RIC1: variants seen among roughly 807,000 people sequenced by gnomAD.
The protein encoded by RIC1 is RIC1 partner of RAB6A GEF complex.
RIC1 carries 88 observed loss-of-function variants against 169.0 expected under a neutral mutation model. The ratio of observed to expected loss-of-function variants is 0.52; its 90% CI spans 0.44 to 0.62. The LOEUF (loss-of-function observed/expected upper bound fraction) is 0.62, where lower values mean the gene tolerates loss of function less well. RIC1 is among the 20% of genes least tolerant of loss of function. The pLI is 0.00. For missense variants in RIC1, 1,877 were observed against 1,725.5 expected (o/e 1.09, Z -1.56); for synonymous variants, 790 against 601.5 (o/e 1.31, Z -4.59).
intron 15 of RIC1, 30 bp downstream of exon 15, chr9:5,754,960 T>G (rs1825919420): frequency 7.3e-7 from 1 of 1,365,880 alleles, no homozygotes; most frequent in Non-Finnish European, 1.0e-6. Flanking sequence ...AATAACAGAT[T>G]TTTATATTTT....
chr9:5,700,355 A>G (rs1187284869), intron 3 of RIC1, among the ~76,000 whole-genome samples: 2 of 152,006 alleles, frequency 1.3e-5, no homozygotes, highest in Non-Finnish European at 2.9e-5. Context: ...CTTTTTGTTC[A>G]TTTGTGATTT....
At chr9:5,665,108 G>A (rs558601417) in intron 2 of RIC1, among the ~76,000 whole-genome samples, 19 of 151,866 alleles carry the variant, frequency 1.3e-4, no homozygotes, top group African/African-American at 2.9e-4. Flanking sequence ...CATTGGGAGC[G>A]TATATATTGA....
Position 5,669,732 on chromosome 9 carries a change from T to C in RIC1, c.252+13042T>C, listed in dbSNP as rs138724474. Among the ~76,000 whole-genome samples, 19 of 152,288 alleles carry C rather than the reference T, an allele frequency of 1.2e-4. No homozygotes were observed. The East Asian group carries it at 3.5e-3, about 28-fold the overall frequency. ...TTGCAGTGGCAAAGAGAGATTGGGC[T>C]CACTTCTTCAGCATGGGCAAGTGGG... On this transcript the variant is annotated intron_variant, in intron 2 of 25. Transcript: ENST00000414202.
intron 2 of RIC1, among the ~76,000 whole-genome samples, chr9:5,680,815 ATT>A (rs66478510): frequency 2.6e-4 from 15 of 57,762 alleles, no homozygotes; most frequent in East Asian, 7.5e-4. Flanking sequence ...GCAGTCATTG[ATT>A]TTTTTTTTTT....
At chr9:5,638,962 C>G (rs1198272223) in intron 1 of RIC1, among the ~76,000 whole-genome samples, 1 of 152,134 alleles carries the variant, frequency 6.6e-6, no homozygotes, top group Admixed American at 6.5e-5. Context: ...ATTCTCCAGG[C>G]TAGAGTGCAG....
chr9:5,770,756 T>C (rs932374602), intron 23 of RIC1, among the ~76,000 whole-genome samples: 5 of 152,242 alleles, frequency 3.3e-5, no homozygotes, highest in Non-Finnish European at 7.3e-5. Context: ...TATAAGTTCC[T>C]ACATAATATC....
At chr9:5,704,060 T>C (rs1052610000) in intron 3 of RIC1, among the ~76,000 whole-genome samples, 4 of 152,036 alleles carry the variant, frequency 2.6e-5, no homozygotes, top group African/African-American at 9.7e-5. Flanking sequence ...TTTTATTATA[T>C]TAGGGTCATC....
intron 3 of RIC1, among the ~76,000 whole-genome samples, chr9:5,697,933 G>A (rs971252685): frequency 1.3e-5 from 2 of 152,186 alleles, no homozygotes; most frequent in Non-Finnish European, 2.9e-5. Context: ...GCATTTCAGG[G>A]TAAAGTGATT....
At chr9:5,657,683 A>G (rs1354691851) in intron 2 of RIC1, among the ~76,000 whole-genome samples, 1 of 152,114 alleles carries the variant, frequency 6.6e-6, no homozygotes, top group East Asian at 1.9e-4. Context: ...GACTAGGTTA[A>G]TAGTCTGAAA....
intron 3 of RIC1, among the ~76,000 whole-genome samples, chr9:5,695,150 T>A (rs958151803): frequency 1.3e-5 from 2 of 152,146 alleles, no homozygotes; most frequent in Non-Finnish European, 2.9e-5. Context: ...TATAAAAGGA[T>A]CTCAAAGATG....
chr9:5,728,540 A>T (rs1324855909), intron 6 of RIC1, among the ~76,000 whole-genome samples: 1 of 152,182 alleles, frequency 6.6e-6, no homozygotes, highest in Non-Finnish European at 1.5e-5. Flanking sequence ...CATGGGCTGC[A>T]CCCACTGTCT....
At chr9:5,754,394 A>C (rs1311200157) in intron 14 of RIC1, among the ~76,000 whole-genome samples, 1 of 152,190 alleles carries the variant, frequency 6.6e-6, no homozygotes, top group East Asian at 1.9e-4. Flanking sequence ...TAAAGGCTCT[A>C]GAGTTATCAT....
Position 5,732,565 on chromosome 9 carries a change from C to G in RIC1, c.812+86C>G, listed in dbSNP as rs1824436093. 14 of 787,028 alleles carry G rather than the reference C, an allele frequency of 1.8e-5. No homozygotes were observed. In the East Asian group the frequency reaches 3.6e-4, roughly 20 times the overall value. 48.8% of individuals were successfully genotyped at this position (787,028 alleles called of 1,614,324 possible). ...TTTTGTAAACATAAGATGTTCCTAA[C>G]ATACTTATAAACTGCATCATGCTAT... is the stretch of plus-strand genomic sequence containing the variant. On this transcript the variant is annotated intron_variant, in intron 7 of 25. Transcript: ENST00000414202.
intron 4 of RIC1, among the ~76,000 whole-genome samples, chr9:5,714,329 A>C (rs979561623): frequency 1.3e-5 from 2 of 152,314 alleles, no homozygotes; most frequent in Admixed American, 1.3e-4. Flanking sequence ...TGAGGAAAAG[A>C]GAAAGTGCCT....
intron 7 of RIC1, among the ~76,000 whole-genome samples, chr9:5,736,630 C>A (rs1362057319): frequency 6.6e-6 from 1 of 152,058 alleles, no homozygotes. Context: ...TGTAGAGGGT[C>A]TCTCTTGAAT....
rs777464077 is a variant in RIC1 at position 5,774,036 on chromosome 9, G to A, written c.4062G>A (p.Gln1354=). The change falls in exon 26 of 26, where the codon CAG becomes CAA. Residue 1354 remains glutamine, a synonymous_variant. Coordinates refer to ENST00000414202, the MANE Select transcript of RIC1 (RefSeq NM_020829.4). ...GTGAGATAACAGAAGAGCAGGTCCAGCCAGATGCCTTCCAACCAATAACTA... is the reference window on the plus strand; with the variant it reads ...GTGAGATAACAGAAGAGCAGGTCCAACCAGATGCCTTCCAACCAATAACTA... ...KLSEITEEQV[Q]PDAFQPITMG... is the part of the protein sequence containing the mutation. The A allele has an allele frequency of 2.5e-6, 4 of 1,614,058 alleles. No individual in the cohort carries two copies. The highest frequency in any genetic ancestry group is 1.7e-6 in the Non-Finnish European group (2 of 1,179,982).
chr9:5,727,048 C>T (rs936058133), intron 6 of RIC1, among the ~76,000 whole-genome samples: 5 of 152,082 alleles, frequency 3.3e-5, no homozygotes, highest in Admixed American at 1.3e-4. Context: ...TTGCTCTTCT[C>T]GAGGAGTATC....
At chr9:5,767,628 C>T (rs1426795895) in intron 21 of RIC1, among the ~76,000 whole-genome samples, 1 of 152,142 alleles carries the variant, frequency 6.6e-6, no homozygotes, top group Non-Finnish European at 1.5e-5. Context: ...GCTCTTGTTG[C>T]CCAGGCTGGA....
chr9:5,669,898 G>T (rs759503624), intron 2 of RIC1, among the ~76,000 whole-genome samples: 2 of 152,178 alleles, frequency 1.3e-5, no homozygotes, highest in Non-Finnish European at 2.9e-5. Context: ...ACTTAGGGGA[G>T]ATTGGAGGAT....
Sources: allele counts gnomAD v4.1 joint callset (sites outside exome capture counted in the v4.1 genomes callset), GRCh38; gene constraint gnomAD v4.1.1; transcripts MANE v1.5; gene names NCBI Gene and HGNC (gene_info 2026-07-23, HGNC 2026-07-21).